DGKB: variants seen among roughly 807,000 people sequenced by gnomAD.
The protein encoded by DGKB is 90 kDa diacylglycerol kinase.
In DGKB, 67 loss-of-function variants were observed where a neutral mutation model predicts 114.3. The ratio of observed to expected loss-of-function variants is 0.59; its 90% confidence interval spans 0.48 to 0.72. The LOEUF (loss-of-function observed/expected upper bound fraction) is 0.72, where lower values mean the gene tolerates loss of function less well. Ranked by LOEUF, DGKB falls within the 30% of genes least tolerant of loss-of-function variation. DGKB has a pLI of 0.00. For synonymous variants in DGKB, 398 were observed against 323.1 expected (o/e 1.23, Z -2.49); for missense variants, 907 against 975.2 (o/e 0.93, Z 0.93).
intron 21 of DGKB, among the ~76,000 whole-genome samples, chr7:14,449,965 A>G (rs1470771635): frequency 1.3e-5 from 2 of 152,062 alleles, no homozygotes; most frequent in Admixed American, 6.6e-5. Flanking sequence ...TAAACAAAGT[A>G]GTGAATTGTT....
chr7:14,664,138 C>T (rs1230641103), intron 13 of DGKB, among the ~76,000 whole-genome samples: 1 of 151,980 alleles, frequency 6.6e-6, no homozygotes, highest in African/African-American at 2.4e-5. Context: ...TCAGAGTTCC[C>T]TTACTTTCTA....
At chr7:14,510,287 G>A (rs1206191092) in intron 20 of DGKB, among the ~76,000 whole-genome samples, 7 of 152,176 alleles carry the variant, frequency 4.6e-5, no homozygotes, top group Non-Finnish European at 1.0e-4. Context: ...ACTGGGGTCA[G>A]TCTTCTTAAA....
At chr7:14,177,635 T>C (rs1035379410) in intron 24 of DGKB, among the ~76,000 whole-genome samples, 2 of 147,458 alleles carry the variant, frequency 1.4e-5, no homozygotes, top group Non-Finnish European at 1.5e-5. Context: ...ATTTAAAACA[T>C]ATATAAAATC....
rs145693690 is a variant in DGKB, at chr7:14,600,179, C to T, written c.1433+7255G>A. Reference sequence around the variant, plus strand: ...GGCAGAGGGATGAATGCTGTATCTTCACATGGCAGTAGAAGGGGAAAGGCG... The same window carrying T: ...GGCAGAGGGATGAATGCTGTATCTTTACATGGCAGTAGAAGGGGAAAGGCG... On this transcript the variant is annotated intron_variant, in intron 17 of 25. Transcript: ENST00000402815. 5.4e-3 allele frequency among the ~76,000 whole-genome samples: 816 copies of T among 152,212 alleles called. 10 individuals are homozygous for T. Among genetic ancestry groups the T allele is most frequent in the African/African-American group, 0.018 (749 of 41,538 alleles).
intron 21 of DGKB, among the ~76,000 whole-genome samples, chr7:14,401,844 G>A (rs546070884): frequency 1.1e-4 from 16 of 151,690 alleles, no homozygotes; most frequent in African/African-American, 3.9e-4. Flanking sequence ...GTCTCACTGG[G>A]GAAGACTTTT....
At chr7:14,641,259 AGG>A (rs1811733369) in intron 13 of DGKB, among the ~76,000 whole-genome samples, 1 of 25,414 alleles carries the variant, frequency 3.9e-5, no homozygotes, top group Non-Finnish European at 1.2e-4. Context: ...TTTACAATAT[AGG>A]GATTTGGTTT....
chr7:14,932,192 G>A (rs1785055257), intron 1 of DGKB, among the ~76,000 whole-genome samples: 2 of 152,128 alleles, frequency 1.3e-5, no homozygotes. Context: ...ATGGGCTGCA[G>A]AAAGGCACTC....
At chr7:14,925,819 T>G (rs1021292052) in intron 1 of DGKB, among the ~76,000 whole-genome samples, 1 of 152,126 alleles carries the variant, frequency 6.6e-6, no homozygotes, top group African/African-American at 2.4e-5. Flanking sequence ...TTCTATGTGA[T>G]TTTCTATGTG....
chr7:14,585,955 T>C (rs1160797270), intron 17 of DGKB, among the ~76,000 whole-genome samples: 1 of 152,134 alleles, frequency 6.6e-6, no homozygotes, highest in Non-Finnish European at 1.5e-5. Flanking sequence ...CTGTCTCTCT[T>C]TGTGTCCTCA....
At position 14,182,234 on chromosome 7, in the gene DGKB, TTTTATC is replaced by T. The variant is rs1774163070; in HGVS notation, c.2123-4089_2123-4084del. Among the ~76,000 whole-genome samples, 3 of 151,982 alleles carry T rather than the reference TTTTATC, an allele frequency of 2.0e-5. No homozygotes were observed. In the South Asian group the frequency reaches 6.2e-4, roughly 31 times the overall value. The stretch of plus-strand genomic sequence containing the variant: ...ACACATTAAATTTTATTTTTTTTAT[TTTTATC>T]TTATGTAATTTTTCAAAATGTTATT... On this transcript the variant is annotated intron_variant, in intron 23 of 25. Coordinates refer to ENST00000402815, the MANE Select transcript of DGKB (RefSeq NM_001350709.2).
At chr7:14,873,958 A>G (rs980637981) in intron 1 of DGKB, among the ~76,000 whole-genome samples, 1 of 152,130 alleles carries the variant, frequency 6.6e-6, no homozygotes, top group Non-Finnish European at 1.5e-5. Flanking sequence ...ACATAAAAAT[A>G]GAATGCTGTA....
At chr7:14,743,045 A>G (rs1832784037) in intron 4 of DGKB, among the ~76,000 whole-genome samples, 1 of 152,196 alleles carries the variant, frequency 6.6e-6, no homozygotes, top group Non-Finnish European at 1.5e-5. Context: ...TAAAAGCACA[A>G]CAAGGTTTTC....
intron 2 of DGKB, among the ~76,000 whole-genome samples, chr7:14,793,700 T>A (rs1394190298): frequency 1.3e-5 from 2 of 152,114 alleles, no homozygotes; most frequent in Admixed American, 6.6e-5. Context: ...ATTAACTATC[T>A]CTATGAGAAA....
At chr7:14,839,396 CTCTTCT>C (rs1026341294) in intron 2 of DGKB, among the ~76,000 whole-genome samples, 4 of 150,322 alleles carry the variant, frequency 2.7e-5, no homozygotes, top group Admixed American at 1.3e-4. Flanking sequence ...ATTTTCTTTA[CTCTTCT>C]TCTTCTTTTT....
intron 1 of DGKB, among the ~76,000 whole-genome samples, chr7:14,935,039 G>C (rs77483280): frequency 0.018 from 2,700 of 152,200 alleles, 84 homozygotes; most frequent in African/African-American, 0.055. Flanking sequence ...TACTGTACAG[G>C]AAAGCATTCA....
intron 1 of DGKB, among the ~76,000 whole-genome samples, chr7:14,964,404 G>T (rs1334976609): frequency 6.6e-6 from 1 of 152,238 alleles, no homozygotes; most frequent in South Asian, 2.1e-4. Context: ...GGAGGCTGAG[G>T]TGGGAGAATC....
At chr7:14,702,432 C>G (rs1202124857) in intron 6 of DGKB, among the ~76,000 whole-genome samples, 1 of 152,106 alleles carries the variant, frequency 6.6e-6, no homozygotes, top group Non-Finnish European at 1.5e-5. Flanking sequence ...TGAGGTGGAG[C>G]TTCAGAGGGT....
intron 13 of DGKB, among the ~76,000 whole-genome samples, chr7:14,665,220 G>T (rs1035088068): frequency 6.6e-6 from 1 of 151,920 alleles, no homozygotes; most frequent in African/African-American, 2.4e-5. Context: ...GATCGATCGT[G>T]TTCTTGGCAA....
chr7:14,469,268 T>C (rs1471268941), intron 21 of DGKB, among the ~76,000 whole-genome samples: 1 of 152,120 alleles, frequency 6.6e-6, no homozygotes, highest in Non-Finnish European at 1.5e-5. Flanking sequence ...CTTAGCTGAA[T>C]GCCCATCAAA....
Sources: gnomAD v4.1 joint callset for allele counts (sites outside exome capture counted in the v4.1 genomes callset) on GRCh38, gnomAD v4.1.1 for gene constraint, MANE v1.5 for transcripts, NCBI Gene and HGNC (gene_info 2026-07-23, HGNC 2026-07-21) for gene names.